The following MALRD1 variants were observed in gnomAD, a reference collection of about 807,000 sequenced individuals.
MALRD1 encodes the protein MAM and LDL-receptor class A domain-containing protein 1.
Under a neutral mutation model 242.1 loss-of-function variants are expected in MALRD1, and 247 were observed. That is an observed-to-expected ratio of 1.02 (90% CI 0.92 to 1.13). MALRD1 has a LOEUF of 1.13. Among genes scored for constraint, MALRD1 ranks in the 50% most tolerant of loss-of-function variants. The pLI, the probability that MALRD1 is intolerant of heterozygous loss-of-function variation, is 0.00. For missense variants in MALRD1, 2,989 were observed against 2,533.1 expected, an observed-to-expected ratio of 1.18 and a Z score of -3.86; for synonymous variants, 995 against 866.6, an observed-to-expected ratio of 1.15 and a Z score of -2.60.
intron 19 of MALRD1, among the ~76,000 whole-genome samples, chr10:19,258,955 T>G (rs1484127998): frequency 1.3e-5 from 2 of 152,096 alleles, no homozygotes; most frequent in African/African-American, 4.8e-5. Flanking sequence ...ATTAACAAAT[T>G]TGATTTAGTA....
chr10:19,713,603 A>G (rs1834245574), intron 38 of MALRD1, among the ~76,000 whole-genome samples: 3 of 152,260 alleles, frequency 2.0e-5, no homozygotes, highest in East Asian at 1.9e-4. Context: ...GCTAAGGGCA[A>G]TCACAAAGAC....
chr10:19,446,872 C>A (rs1394620074), intron 28 of MALRD1, among the ~76,000 whole-genome samples: 1 of 152,070 alleles, frequency 6.6e-6, no homozygotes, highest in Non-Finnish European at 1.5e-5. Context: ...AGGGAAAAGT[C>A]CCTCAGCAGT....
Position 19,550,995 on chromosome 10 carries a change from A to T in MALRD1, c.5479-16507A>T, listed in dbSNP as rs192131114. On this transcript the variant is annotated intron_variant, in intron 32 of 39. Coordinates refer to ENST00000454679, the MANE Select transcript of MALRD1 (RefSeq NM_001142308.3). ...GCATCTGTTATTTTTTGCCTTTTTA[A>T]TAATAGCCATTCTGACTGGTGTGAG... is the stretch of plus-strand genomic sequence containing the variant. 6.2e-3 allele frequency among the ~76,000 whole-genome samples: 945 copies of T among 152,196 alleles called. 8 individuals are homozygous for T. Among genetic ancestry groups the T allele is most frequent in the African/African-American group, 0.019 (791 of 41,522 alleles).
Position 19,239,252 on chromosome 10 carries a change from A to T in MALRD1, c.2992-18432A>T, listed in dbSNP as rs115319865. On this transcript the variant is annotated intron_variant, in intron 18 of 39. Coordinates refer to ENST00000454679, the MANE Select transcript of MALRD1 (RefSeq NM_001142308.3). ...TTTTTGTATTTTTAGTAGAGAAATG[A>T]TTTCACCATATTGGTCAGGCTGTTC... is the stretch of plus-strand genomic sequence containing the variant. Among the ~76,000 whole-genome samples the T allele has an allele frequency of 8.5e-3, 1,287 of 151,810 alleles. 14 individuals are homozygous for T. The highest frequency in any genetic ancestry group is 0.029 in the African/African-American group (1,217 of 41,418).
intron 34 of MALRD1, chr10:19,598,497 C>G (rs569362979): frequency 1.3e-5 from 2 of 151,440 alleles, no homozygotes; most frequent in East Asian, 2.0e-4. Context: ...AGAAGGACTT[C>G]CAAGTTTCTA....
chr10:19,219,755 ATACT>A (rs2131661237), intron 18 of MALRD1, among the ~76,000 whole-genome samples: 1 of 152,262 alleles, frequency 6.6e-6, no homozygotes, highest in African/African-American at 2.4e-5. Context: ...ATTTTCTAAC[ATACT>A]TCTCATTTTA....
At chr10:19,719,833 A>G (rs1834659120) in intron 38 of MALRD1, among the ~76,000 whole-genome samples, 1 of 150,544 alleles carries the variant, frequency 6.6e-6, no homozygotes, top group Admixed American at 6.6e-5. Context: ...TTTCCTCCAG[A>G]TTGTTTATTT....
rs116433759 is a variant in MALRD1, at chr10:19,287,434, T to A, written c.3419+4253T>A. On this transcript the variant is annotated intron_variant, in intron 21 of 39. Coordinates refer to ENST00000454679, the MANE Select transcript of MALRD1 (RefSeq NM_001142308.3). ...CTGTGTATATTTATACACAGTTCTGTTTAAGTTATTAGCTTAGCAGTATTC... is the reference window on the plus strand; with the variant it reads ...CTGTGTATATTTATACACAGTTCTGATTAAGTTATTAGCTTAGCAGTATTC... Among the ~76,000 whole-genome samples, 762 of 152,248 alleles carry A rather than the reference T, an allele frequency of 5.0e-3. 10 individuals carry two copies. The highest frequency in any genetic ancestry group is 0.018 in the African/African-American group (730 of 41,562).
At chr10:19,670,042 A>G (rs1232966290) in intron 36 of MALRD1, among the ~76,000 whole-genome samples, 1 of 150,882 alleles carries the variant, frequency 6.6e-6, no homozygotes, top group African/African-American at 2.5e-5. Context: ...AAAATAAAGT[A>G]TAATGCCCTC....
chr10:19,256,328 C>A (rs574670379), intron 18 of MALRD1, among the ~76,000 whole-genome samples: 1 of 151,992 alleles, frequency 6.6e-6, no homozygotes, highest in Non-Finnish European at 1.5e-5. Flanking sequence ...AAACAGAATA[C>A]GTTTTTCTGT....
chr10:19,500,979 C>A (rs1689520870), intron 31 of MALRD1, among the ~76,000 whole-genome samples: 1 of 151,854 alleles, frequency 6.6e-6, no homozygotes, highest in African/African-American at 2.4e-5. Context: ...AATTAGATGG[C>A]TTATTAGAAG....
chr10:19,531,859 CACTTAT>C (rs1351444871), intron 32 of MALRD1, among the ~76,000 whole-genome samples: 1 of 152,168 alleles, frequency 6.6e-6, no homozygotes, highest in African/African-American at 2.4e-5. Flanking sequence ...TAAGTTGCTG[CACTTAT>C]ACTTTTCATT....
chr10:19,216,080 AC>A (rs1406618407), intron 18 of MALRD1, among the ~76,000 whole-genome samples: 2 of 149,574 alleles, frequency 1.3e-5, no homozygotes, highest in Non-Finnish European at 3.0e-5. Context: ...ATTAAGTAAT[AC>A]TATATCTTTT....
chr10:19,391,528 G>A (rs756727939), intron 28 of MALRD1, among the ~76,000 whole-genome samples: 29 of 152,184 alleles, frequency 1.9e-4, no homozygotes, highest in Non-Finnish European at 2.9e-4. Context: ...TTTACTCTTC[G>A]TCTTTTAAGA....
chr10:19,536,466 T>C (rs1176403966), intron 32 of MALRD1, among the ~76,000 whole-genome samples: 1 of 152,092 alleles, frequency 6.6e-6, no homozygotes, highest in Non-Finnish European at 1.5e-5. Context: ...CCTCTCGTTT[T>C]AGGGATGGAA....
chr10:19,320,361 GTTT>G (rs1228569302), intron 21 of MALRD1, among the ~76,000 whole-genome samples: 1 of 151,850 alleles, frequency 6.6e-6, no homozygotes, highest in African/African-American at 2.4e-5. Context: ...GAGGATGATG[GTTT>G]CCACCTTCAT....
At chr10:19,390,982 T>A (rs1416178503) in intron 28 of MALRD1, among the ~76,000 whole-genome samples, 1 of 152,210 alleles carries the variant, frequency 6.6e-6, no homozygotes, top group East Asian at 1.9e-4. Context: ...GATACTTGAT[T>A]CTATGGTGTG....
At chr10:19,717,407 A>G (rs1834440757) in intron 38 of MALRD1, among the ~76,000 whole-genome samples, 1 of 152,224 alleles carries the variant, frequency 6.6e-6, no homozygotes, top group Non-Finnish European at 1.5e-5. Flanking sequence ...GTGATGAAGA[A>G]GACAGTGTAT....
intron 21 of MALRD1, among the ~76,000 whole-genome samples, chr10:19,294,160 A>G (rs923867967): frequency 6.6e-6 from 1 of 152,220 alleles, no homozygotes; most frequent in African/African-American, 2.4e-5. Flanking sequence ...TCAAAAATTA[A>G]AAATTCATTT....
Sources: gnomAD v4.1 joint callset for allele counts (sites outside exome capture counted in the v4.1 genomes callset) on GRCh38, gnomAD v4.1.1 for gene constraint, MANE v1.5 for transcripts, NCBI Gene and HGNC (gene_info 2026-07-23, HGNC 2026-07-21) for gene names.